Variants in FTO observed in about 807,000 individuals in gnomAD.
The protein encoded by FTO is FTO alpha-ketoglutarate dependent dioxygenase, also known as alpha-ketoglutarate-dependent dioxygenase FTO.
In FTO, 47 loss-of-function variants were observed where a neutral mutation model predicts 63.9. The ratio of observed to expected loss-of-function variants is 0.74; its 90% CI spans 0.58 to 0.94. The LOEUF (loss-of-function observed/expected upper bound fraction) is 0.94. Ranked by LOEUF, FTO falls within the 40% of genes least tolerant of loss-of-function variation. The pLI is 0.00. For missense variants in FTO, 562 were observed against 618.1 expected (o/e 0.91, Z 0.96); for synonymous variants, 207 against 224.4 (o/e 0.92, Z 0.69).
intron 6 of FTO, among the ~76,000 whole-genome samples, chr16:53,885,606 T>C (rs982035514): frequency 6.6e-6 from 1 of 152,216 alleles, no homozygotes; most frequent in African/African-American, 2.4e-5. Context: ...GGACAGGAAG[T>C]CCAAAGCCTT....
chr16:53,949,513 G>C (rs2082722214), intron 8 of FTO, among the ~76,000 whole-genome samples: 1 of 152,176 alleles, frequency 6.6e-6, no homozygotes, highest in Admixed American at 6.5e-5. Flanking sequence ...AGGGTTCTTA[G>C]AATGGAGCCA....
rs1027516270 is a variant in FTO, at chr16:53,915,377, A to G, written c.1240-18608A>G. ...ATAATACTTTATTAAATATAAATAG[A>G]GTATCCTCCCAGCTTCTGTATGGTG... On this transcript the variant is annotated intron_variant, in intron 7 of 8. Transcript: ENST00000471389. 2.0e-5 allele frequency among the ~76,000 whole-genome samples: 3 copies of G among 152,234 alleles called. No individual in the cohort carries two copies. In the East Asian group the frequency reaches 5.8e-4, roughly 29 times the overall value.
At chr16:53,899,175 A>G (rs567919276) in intron 7 of FTO, among the ~76,000 whole-genome samples, 1 of 152,256 alleles carries the variant, frequency 6.6e-6, no homozygotes, top group African/African-American at 2.4e-5. Context: ...TCTGGCATTT[A>G]TAGCTGAGAA....
In FTO at chr16:54,016,103, T is replaced by C. The variant is rs375558112; in HGVS notation, c.1364+81994T>C. Among the ~76,000 whole-genome samples the C allele has an allele frequency of 3.3e-5, 5 of 152,144 alleles. No homozygotes were observed. In the East Asian group the frequency reaches 5.8e-4, roughly 18 times the overall value. ...AGGTAGGTGGCAGTTATTATCCCCA[T>C]TTTACAGATGAGAAAACTGAGACCA... On this transcript the variant is annotated intron_variant, in intron 8 of 8. Transcript: ENST00000471389.
intron 2 of FTO, among the ~76,000 whole-genome samples, chr16:53,823,241 G>A (rs146845426): frequency 3.3e-5 from 5 of 152,266 alleles, no homozygotes; most frequent in Non-Finnish European, 7.4e-5. Context: ...TGACATAGTT[G>A]AGTACCCCGC....
intron 8 of FTO, chr16:54,071,500 T>C (rs2085868543): frequency 6.6e-6 from 1 of 152,200 alleles, no homozygotes; most frequent in South Asian, 2.1e-4. Context: ...GCTTCCTTGT[T>C]TTGTTCTTGT....
At position 54,112,216 on chromosome 16, in the gene FTO, G is replaced by A. The variant is rs36037154; in HGVS notation, c.*301G>A. The A allele has an allele frequency of 1.8e-3, 735 of 406,628 alleles. 1 individual carries two copies. Among genetic ancestry groups the A allele is most frequent in the Non-Finnish European group, 2.7e-3 (582 of 215,910 alleles). The allele number at this position is 406,628 out of a possible 1,614,324, so 25.2% of individuals were successfully genotyped here. A position where few individuals can be genotyped will look rare whatever the true frequency, so the allele number is the denominator to read the frequency against. ...CAGGCGACAGGAACGAGCCCAGCGT[G>A]TGACAAAGCCTAACCTACTTTCCTC... On this transcript the variant is annotated 3_prime_UTR_variant, in exon 9 of 9. Transcript: ENST00000471389.
chr16:53,941,902 C>T (rs953014030), intron 8 of FTO, among the ~76,000 whole-genome samples: 1 of 152,198 alleles, frequency 6.6e-6, no homozygotes, highest in African/African-American at 2.4e-5. Context: ...CTATCTCTTC[C>T]ATTTGAATAA....
At chr16:53,994,749 T>C (rs558279796) in intron 8 of FTO, among the ~76,000 whole-genome samples, 3 of 152,136 alleles carry the variant, frequency 2.0e-5, no homozygotes, top group South Asian at 4.2e-4. Flanking sequence ...TTTTTTTTTT[T>C]CTGAGACAAG....
intron 8 of FTO, among the ~76,000 whole-genome samples, chr16:54,067,183 A>C (rs1469071940): frequency 6.7e-6 from 1 of 150,154 alleles, no homozygotes; most frequent in Non-Finnish European, 1.5e-5. Flanking sequence ...AAAAAAAAAA[A>C]CTTTGCCTAT....
chr16:53,776,344 A>C (rs1414758864), intron 1 of FTO, among the ~76,000 whole-genome samples: 1 of 152,226 alleles, frequency 6.6e-6, no homozygotes, highest in Non-Finnish European at 1.5e-5. Flanking sequence ...CATGTAAATT[A>C]GTAAGGCCCA....
chr16:54,074,428 T>G (rs1335433386), intron 8 of FTO, among the ~76,000 whole-genome samples: 2 of 152,202 alleles, frequency 1.3e-5, no homozygotes, highest in African/African-American at 2.4e-5. Flanking sequence ...CCCAGTCTGT[T>G]TTTAATGCAT....
intron 8 of FTO, among the ~76,000 whole-genome samples, chr16:54,001,860 G>A (rs2143999198): frequency 6.6e-6 from 1 of 152,300 alleles, no homozygotes; most frequent in Middle Eastern, 3.4e-3. Context: ...TGGGACCTGG[G>A]TGATTAGTTT....
chr16:53,884,819 G>A (rs1442324271), intron 6 of FTO, among the ~76,000 whole-genome samples: 1 of 152,190 alleles, frequency 6.6e-6, no homozygotes, highest in Non-Finnish European at 1.5e-5. Flanking sequence ...TTCAAAATCA[G>A]GGAGTTTGGT....
At chr16:53,950,155 T>TAAAAAAAAAAAAAAAAAAAAAAGA (rs2082742563) in intron 8 of FTO, among the ~76,000 whole-genome samples, 1 of 50,604 alleles carries the variant, frequency 2.0e-5, no homozygotes. Flanking sequence ...TTCACATTTG[T>TAAAAAAAAAAAAAAAAAAAAAAGA]AAAAAAAAAA....
chr16:53,787,038 G>A (rs2077759782), intron 1 of FTO, among the ~76,000 whole-genome samples: 1 of 140,786 alleles, frequency 7.1e-6, no homozygotes, highest in Admixed American at 7.5e-5. Flanking sequence ...TTGAACCCAG[G>A]AGGCAGAGGT....
At chr16:53,913,245 C>T (rs1221351310) in intron 7 of FTO, among the ~76,000 whole-genome samples, 1 of 152,206 alleles carries the variant, frequency 6.6e-6, no homozygotes, top group African/African-American at 2.4e-5. Context: ...GATTACCCCA[C>T]AGTTTGGATC....
At chr16:53,886,289 G>A (rs1001664724) in intron 6 of FTO, among the ~76,000 whole-genome samples, 8 of 152,128 alleles carry the variant, frequency 5.3e-5, no homozygotes, top group Non-Finnish European at 8.8e-5. Flanking sequence ...CATGGTTGGC[G>A]AGCCTTATCC....
chr16:54,024,427 A>G (rs1308412090), intron 8 of FTO, among the ~76,000 whole-genome samples: 1 of 151,846 alleles, frequency 6.6e-6, no homozygotes, highest in East Asian at 1.9e-4. Flanking sequence ...ACGGGGTCTC[A>G]CCATATTGGC....
Sources: gnomAD v4.1 joint callset for allele counts (sites outside exome capture counted in the v4.1 genomes callset) on GRCh38, gnomAD v4.1.1 for gene constraint, MANE v1.5 for transcripts, NCBI Gene and HGNC (gene_info 2026-07-23, HGNC 2026-07-21) for gene names.